Variants in SLIT3 observed in about 807,000 individuals in gnomAD.
SLIT3 encodes the protein slit homolog 3 protein.
SLIT3 carries 68 observed loss-of-function variants against 184.0 expected under a neutral mutation model. The ratio of observed to expected loss-of-function variants is 0.37; its 90% CI spans 0.30 to 0.45. SLIT3 has a LOEUF of 0.45. Among genes scored for constraint, SLIT3 ranks in the 20% least tolerant of loss-of-function variants. SLIT3 has a pLI of 1.00. For missense variants in SLIT3, 1,707 were observed against 2,026.0 expected (o/e 0.84, Z 3.02); for synonymous variants, 831 against 828.6 (o/e 1.00, Z -0.05).
At chr5:169,091,764 C>A (rs190598141) in intron 4 of SLIT3, among the ~76,000 whole-genome samples, 1 of 152,178 alleles carries the variant, frequency 6.6e-6, no homozygotes, top group Non-Finnish European at 1.5e-5. Context: ...AGCCTCGTGG[C>A]GAAGCTGGAC....
chr5:168,744,220 T>C (rs1422700505), intron 20 of SLIT3, among the ~76,000 whole-genome samples: 4 of 151,800 alleles, frequency 2.6e-5, no homozygotes, highest in Non-Finnish European at 5.9e-5. Context: ...ACCCAGGAGG[T>C]GGAGCTTGCA....
chr5:169,243,780 G>A (rs909780065), intron 3 of SLIT3, among the ~76,000 whole-genome samples: 1 of 152,220 alleles, frequency 6.6e-6, no homozygotes, highest in Non-Finnish European at 1.5e-5. Context: ...CGGCAGAGCC[G>A]TGAGCTGTTG....
intron 4 of SLIT3, among the ~76,000 whole-genome samples, chr5:168,899,931 C>G (rs1760808972): frequency 6.6e-6 from 1 of 152,128 alleles, no homozygotes; most frequent in Non-Finnish European, 1.5e-5. Flanking sequence ...CTCCCAGTTC[C>G]TGAGGAATGG....
chr5:169,167,719 C>T (rs1762686260), intron 4 of SLIT3, among the ~76,000 whole-genome samples: 1 of 152,142 alleles, frequency 6.6e-6, no homozygotes, highest in South Asian at 2.1e-4. Context: ...GGTGGCAACC[C>T]AGGCAGGCTG....
chr5:168,679,093 C>G (rs1488503125), intron 32 of SLIT3, among the ~76,000 whole-genome samples: 1 of 152,178 alleles, frequency 6.6e-6, no homozygotes, highest in African/African-American at 2.4e-5. Context: ...GGGTCTTGCT[C>G]TCTCACCCAG....
chr5:168,729,892 A>G (rs1187073846), intron 20 of SLIT3, among the ~76,000 whole-genome samples: 3 of 152,124 alleles, frequency 2.0e-5, no homozygotes, highest in African/African-American at 7.2e-5. Flanking sequence ...CCTGAATATA[A>G]ATGGATTAAA....
intron 4 of SLIT3, among the ~76,000 whole-genome samples, chr5:169,092,003 C>T (rs1401401362): frequency 6.6e-6 from 1 of 152,150 alleles, no homozygotes; most frequent in African/African-American, 2.4e-5. Context: ...AGGCGGATCA[C>T]CTGAGGTTGG....
At chr5:168,824,600 A>G (rs920428409) in intron 6 of SLIT3, among the ~76,000 whole-genome samples, 2 of 152,170 alleles carry the variant, frequency 1.3e-5, no homozygotes, top group African/African-American at 4.8e-5. Flanking sequence ...GAGACATAAT[A>G]TGTGGGGAAG....
chr5:168,873,077 G>C (rs181231132), intron 5 of SLIT3, among the ~76,000 whole-genome samples: 6 of 152,206 alleles, frequency 3.9e-5, no homozygotes, highest in Non-Finnish European at 2.9e-5. Context: ...CCATGAATCT[G>C]TCTGTATCTG....
chr5:168,935,043 CAGG>C (rs1229289612), intron 4 of SLIT3, among the ~76,000 whole-genome samples: 3 of 145,738 alleles, frequency 2.1e-5, no homozygotes, highest in East Asian at 4.0e-4. Context: ...GAGGCTGAGG[CAGG>C]AGAATTGTTT....
intron 1 of SLIT3, among the ~76,000 whole-genome samples, chr5:169,254,151 T>C (rs2113600019): frequency 6.6e-6 from 1 of 152,312 alleles, no homozygotes; most frequent in African/African-American, 2.4e-5. Flanking sequence ...GCCTGCATGC[T>C]TTGTAGGAGC....
chr5:168,974,913 T>G (rs1754696757), intron 4 of SLIT3, among the ~76,000 whole-genome samples: 1 of 152,218 alleles, frequency 6.6e-6, no homozygotes, highest in South Asian at 2.1e-4. Flanking sequence ...GGGAAAGGAC[T>G]GCAAGTGGTC....
At position 168,806,006 on chromosome 5, in the gene SLIT3, G is replaced by A. The variant is rs191875057; in HGVS notation, c.935+440C>T. ...ACCTGAAGTCACACAGCTAGTAAAC[G>A]GTATGGCCAGGATACAAATACAGCG... is the stretch of plus-strand genomic sequence containing the variant. On this transcript the variant is annotated intron_variant, in intron 9 of 35. Transcript: ENST00000519560. Among the ~76,000 whole-genome samples the A allele has an allele frequency of 1.6e-3, 239 of 152,260 alleles. 6 individuals carry two copies. The highest frequency in any genetic ancestry group is 4.8e-3 in the South Asian group (23 of 4,822).
At chr5:168,853,805 A>T (rs1046522289) in intron 5 of SLIT3, among the ~76,000 whole-genome samples, 1 of 152,164 alleles carries the variant, frequency 6.6e-6, no homozygotes, top group Non-Finnish European at 1.5e-5. Flanking sequence ...ATATGTGAAT[A>T]CACCAAGTAC....
chr5:169,156,313 C>T (rs1422412660), intron 4 of SLIT3, among the ~76,000 whole-genome samples: 4 of 152,162 alleles, frequency 2.6e-5, no homozygotes, highest in Non-Finnish European at 2.9e-5. Flanking sequence ...CCCAGAAAGC[C>T]ACAGTGTACA....
intron 25 of SLIT3, 75 bp downstream of exon 25, chr5:168,710,820 C>T: frequency 7.7e-7 from 1 of 1,294,506 alleles, no homozygotes; most frequent in East Asian, 2.9e-5. Context: ...TTGAGATACC[C>T]TGCTCTGACA....
chr5:168,999,860 G>A (rs1460798313), intron 4 of SLIT3, among the ~76,000 whole-genome samples: 1 of 152,244 alleles, frequency 6.6e-6, no homozygotes, highest in Non-Finnish European at 1.5e-5. Flanking sequence ...CCATGCAAAA[G>A]TGGACCTGCT....
chr5:169,048,419 T>A (rs1466878326), intron 4 of SLIT3, among the ~76,000 whole-genome samples: 1 of 152,228 alleles, frequency 6.6e-6, no homozygotes, highest in Non-Finnish European at 1.5e-5. Flanking sequence ...TTTTACTGAA[T>A]AGAGTCCTCA....
chr5:169,224,566 C>T (rs1395098735), intron 3 of SLIT3, among the ~76,000 whole-genome samples: 6 of 152,048 alleles, frequency 3.9e-5, no homozygotes, highest in Admixed American at 3.3e-4. Flanking sequence ...TGGGGTCTCA[C>T]CATGTGGTCC....
Sources: allele counts gnomAD v4.1 joint callset (sites outside exome capture counted in the v4.1 genomes callset), GRCh38; gene constraint gnomAD v4.1.1; transcripts MANE v1.5; gene names NCBI Gene and HGNC (gene_info 2026-07-23, HGNC 2026-07-21).